Variants in IPCEF1 observed in about 807,000 individuals in gnomAD.
IPCEF1 encodes interaction protein for cytohesin exchange factors 1.
In IPCEF1, 31 loss-of-function variants were observed where a neutral mutation model predicts 50.9. The ratio of observed to expected loss-of-function variants is 0.61; its 90% CI spans 0.46 to 0.82. IPCEF1 has a LOEUF of 0.82. IPCEF1 is among the 40% of genes least tolerant of loss of function. The pLI is 0.00. For missense variants in IPCEF1, 458 were observed against 514.0 expected, an observed-to-expected ratio of 0.89 and a Z score of 1.05; for synonymous variants, 181 against 192.0, an observed-to-expected ratio of 0.94 and a Z score of 0.47.
chr6:154,322,402 A>ACACACACACACC (rs1554224662), intron 1 of IPCEF1, among the ~76,000 whole-genome samples: 1 of 94,418 alleles, frequency 1.1e-5, no homozygotes, highest in African/African-American at 3.1e-5. Flanking sequence ...ACACACACAC[A>ACACACACACACC]CCCCTATGTT....
intron 2 of IPCEF1, among the ~76,000 whole-genome samples, chr6:154,274,881 G>A (rs1046885406): frequency 7.2e-5 from 11 of 152,184 alleles, no homozygotes; most frequent in Non-Finnish European, 1.6e-4. Flanking sequence ...ACTGGGACTT[G>A]TTTCTACAGA....
intron 11 of IPCEF1, among the ~76,000 whole-genome samples, chr6:154,161,426 G>A (rs117542427): frequency 0.016 from 2,473 of 151,882 alleles, 27 homozygotes; most frequent in Non-Finnish European, 0.026. Context: ...GACCAAGCTG[G>A]TCTCAAACTC....
At chr6:154,344,028 A>T (rs946870680) in intron 1 of IPCEF1, among the ~76,000 whole-genome samples, 1 of 152,180 alleles carries the variant, frequency 6.6e-6, no homozygotes, top group Admixed American at 6.5e-5. Context: ...TACGTGAATG[A>T]CATGCCTAGT....
At chr6:154,268,188 G>T (rs1474873939) in intron 2 of IPCEF1, among the ~76,000 whole-genome samples, 1 of 152,220 alleles carries the variant, frequency 6.6e-6, no homozygotes, top group Non-Finnish European at 1.5e-5. Context: ...TGACAGCAGG[G>T]AGAAGCCAGG....
At chr6:154,354,069 G>A (rs1784162465) in intron 1 of IPCEF1, among the ~76,000 whole-genome samples, 1 of 152,144 alleles carries the variant, frequency 6.6e-6, no homozygotes, top group Non-Finnish European at 1.5e-5. Flanking sequence ...ATCGATAACT[G>A]CCATTTAATG....
chr6:154,160,055 A>G lies in IPCEF1; in HGVS notation c.1105-15T>C, dbSNP rs1439276928. ...TGTTCTTTACACTGTGTGAGTAGAA[A>G]AAAAGGGGAAGGGGGTATGTTGAGA... is the stretch of plus-strand genomic sequence containing the variant. On this transcript the variant is annotated splice_polypyrimidine_tract_variant and intron_variant, in intron 11 of 11. Transcript: ENST00000367220. 6.3e-7 allele frequency: 1 copy of G among 1,589,348 alleles called. No individual in the cohort carries two copies. The highest frequency in any genetic ancestry group is 8.6e-7 in the Non-Finnish European group (1 of 1,163,934).
At position 154,223,176 on chromosome 6, in the gene IPCEF1, T is replaced by C; in HGVS notation, c.314A>G (p.Lys105Arg). Residue 105 changes from lysine (K) to arginine (R), a missense_variant, in exon 6 of 12, where the codon AAA becomes AGA. Transcript: ENST00000367220. ...FTVERASECK[K>R]KHAFKISHPQ... ...AAGATGAGAGACAACTTACTGCTTT[T>C]TCTTGCATTCAGATGCTCTTTCCAC... The C allele has an allele frequency of 6.2e-7, 1 of 1,613,440 alleles. No individual in the cohort carries two copies. The highest frequency in any genetic ancestry group is 8.5e-7 in the Non-Finnish European group (1 of 1,179,568).
chr6:154,324,169 A>G (rs1400521120), intron 1 of IPCEF1, among the ~76,000 whole-genome samples: 1 of 152,252 alleles, frequency 6.6e-6, no homozygotes, highest in Non-Finnish European at 1.5e-5. Context: ...TCAAACCAGC[A>G]GAGGCATGTG....
At chr6:154,185,754 C>T (rs756535072) in intron 10 of IPCEF1, among the ~76,000 whole-genome samples, 7 of 152,226 alleles carry the variant, frequency 4.6e-5, no homozygotes, top group Non-Finnish European at 7.4e-5. Context: ...AATACACTAA[C>T]AATAGCTGAA....
chr6:154,266,102 T>C (rs1168527504), intron 2 of IPCEF1, 138 bp from the exon 3 acceptor site: 1 of 597,096 alleles, frequency 1.7e-6, no homozygotes, highest in African/African-American at 1.9e-5. Flanking sequence ...TAAATAGCCT[T>C]TCGGCCAGGC....
chr6:154,256,565 G>C (rs200238684), intron 3 of IPCEF1, among the ~76,000 whole-genome samples: 5 of 72,748 alleles, frequency 6.9e-5, no homozygotes, highest in East Asian at 3.4e-3. Flanking sequence ...CTCTCTCTCT[G>C]TGCGTGTGTG....
At chr6:154,164,927 A>G (rs1371668629) in intron 11 of IPCEF1, among the ~76,000 whole-genome samples, 1 of 152,224 alleles carries the variant, frequency 6.6e-6, no homozygotes, top group Admixed American at 6.5e-5. Context: ...AGTTTGCTCA[A>G]CTTCCTAGAA....
chr6:154,233,130 A>G (rs555601001), intron 5 of IPCEF1, among the ~76,000 whole-genome samples: 2 of 152,056 alleles, frequency 1.3e-5, no homozygotes, highest in Non-Finnish European at 2.9e-5. Flanking sequence ...CGCCACGCCC[A>G]GCTAATTTTT....
At chr6:154,286,156 C>T (rs1583947375) in intron 2 of IPCEF1, among the ~76,000 whole-genome samples, 1 of 151,764 alleles carries the variant, frequency 6.6e-6, no homozygotes, top group South Asian at 2.1e-4. Context: ...ACCCTTGAAC[C>T]AAGAACTATG....
At chr6:154,226,055 C>G (rs955292820) in intron 5 of IPCEF1, among the ~76,000 whole-genome samples, 2 of 152,164 alleles carry the variant, frequency 1.3e-5, no homozygotes, top group African/African-American at 2.4e-5. Flanking sequence ...TCTAACTATG[C>G]CTTCTTCTCT....
intron 9 of IPCEF1, among the ~76,000 whole-genome samples, chr6:154,202,438 T>C (rs1371680587): frequency 2.0e-5 from 3 of 152,204 alleles, no homozygotes; most frequent in Non-Finnish European, 4.4e-5. Context: ...TAGCAGGATC[T>C]ACAAAATAAA....
At chr6:154,308,289 ATT>A (rs1172447020) in intron 1 of IPCEF1, among the ~76,000 whole-genome samples, 1 of 151,762 alleles carries the variant, frequency 6.6e-6, no homozygotes, top group Non-Finnish European at 1.5e-5. Flanking sequence ...TAATTTTTGT[ATT>A]TTTTTGTAGA....
chr6:154,215,875 T>A (rs192028965), intron 7 of IPCEF1, among the ~76,000 whole-genome samples: 87 of 151,988 alleles, frequency 5.7e-4, no homozygotes, highest in Non-Finnish European at 1.1e-3. Context: ...GCGAAAAAAA[T>A]TTCTCAGCCT....
chr6:154,226,714 G>C (rs1779281496), intron 5 of IPCEF1, among the ~76,000 whole-genome samples: 1 of 152,068 alleles, frequency 6.6e-6, no homozygotes, highest in Non-Finnish European at 1.5e-5. Flanking sequence ...TTTACATCAT[G>C]AACATTCTTC....
Sources: gnomAD v4.1 joint callset for allele counts (sites outside exome capture counted in the v4.1 genomes callset) on GRCh38, gnomAD v4.1.1 for gene constraint, MANE v1.5 for transcripts, NCBI Gene and HGNC (gene_info 2026-07-23, HGNC 2026-07-21) for gene names.